The following TLR6 variants were observed in gnomAD, a reference collection of about 807,000 sequenced individuals.
TLR6 encodes toll like receptor 6.
Under a neutral mutation model 16.1 loss-of-function variants are expected in TLR6, and 9 were observed. That is an observed-to-expected ratio of 0.56 (90% CI 0.34 to 0.98). The LOEUF is 0.98. Ranked by LOEUF, TLR6 falls within the 50% of genes least tolerant of loss-of-function variation. The pLI, the probability that TLR6 is intolerant of heterozygous loss-of-function variation, is 0.02. For synonymous variants in TLR6, 340 were observed against 338.6 expected (o/e 1.00, Z -0.04); for missense variants, 786 against 921.0 (o/e 0.85, Z 1.90).
upstream of TLR6, among the ~76,000 whole-genome samples, chr4:38,858,832 GAAGAAAGAAAGAAAGA>G (rs71190999): frequency 4.4e-3 from 223 of 50,884 alleles, 1 homozygote; most frequent in Middle Eastern, 0.011. Flanking sequence ...AGAGAGAGAG[GAAGAAAGAAAGAAAGA>G]AAGAAAGAAA....
exon 2 of TLR6, chr4:38,828,468 A>G: frequency 6.2e-7 from 1 of 1,614,186 alleles, no homozygotes; most frequent in African/African-American, 1.3e-5. Flanking sequence ...GAAATGGTTA[A>G]CATCATAATG....
chr4:38,844,456 A>T (rs535110670), intron 1 of TLR6, among the ~76,000 whole-genome samples: 2 of 152,336 alleles, frequency 1.3e-5, no homozygotes, highest in African/African-American at 4.8e-5. Flanking sequence ...TACAAAACAC[A>T]TGGAGACATT....
At chr4:38,845,286 AG>A (rs1234951780) in intron 1 of TLR6, among the ~76,000 whole-genome samples, 2 of 152,346 alleles carry the variant, frequency 1.3e-5, no homozygotes, top group East Asian at 3.9e-4. Context: ...AAATCCAGAA[AG>A]GGACTCACCT....
At chr4:38,859,416 T>C (rs997155096), upstream of TLR6, among the ~76,000 whole-genome samples, 1 of 152,206 alleles carries the variant, frequency 6.6e-6, no homozygotes, top group Non-Finnish European at 1.5e-5. Flanking sequence ...CCACACAGTC[T>C]GTGGTGATTT....
the TLR6 span, chr4:38,867,639 C>T: frequency 2.6e-5 from 4 of 151,878 alleles, no homozygotes; most frequent in African/African-American, 4.8e-5. Flanking sequence ...TTCCAGGAGA[C>T]TCGCCCAGCG....
chr4:38,858,831 G>GAAA (rs1713114280), upstream of TLR6, among the ~76,000 whole-genome samples: 9 of 52,012 alleles, frequency 1.7e-4, no homozygotes, highest in South Asian at 1.0e-3. Context: ...GAGAGAGAGA[G>GAAA]GAAGAAAGAA....
At chr4:38,858,323 G>A (rs1374343215), upstream of TLR6, among the ~76,000 whole-genome samples, 1 of 152,190 alleles carries the variant, frequency 6.6e-6, no homozygotes, top group African/African-American at 2.4e-5. Context: ...AATAGTGACT[G>A]ACACAGAAGA....
intron 1 of TLR6, among the ~76,000 whole-genome samples, chr4:38,847,301 G>C (rs962619680): frequency 6.6e-6 from 1 of 152,132 alleles, no homozygotes; most frequent in African/African-American, 2.4e-5. Flanking sequence ...ACATTAGGGG[G>C]GGTGGTTCCA....
At chr4:38,847,940 T>C (rs1712601512) in intron 1 of TLR6, among the ~76,000 whole-genome samples, 1 of 152,168 alleles carries the variant, frequency 6.6e-6, no homozygotes, top group South Asian at 2.1e-4. Context: ...GAGTAGTGGT[T>C]CTCCCAGCAC....
chr4:38,866,691 G>A, the TLR6 span, among the ~76,000 whole-genome samples: 3,218 of 151,668 alleles, frequency 0.021, 44 homozygotes, highest in Middle Eastern at 0.11. Flanking sequence ...AATAAATAGG[G>A]GGAAATTTAC....
rs534716397 is a variant in TLR6, at chr4:38,849,844, C to A, written c.-65+6917G>T. Among the ~76,000 whole-genome samples the A allele has an allele frequency of 3.0e-4, 46 of 152,262 alleles. No individual in the cohort carries two copies. The East Asian group carries it at 7.5e-3, about 25-fold the overall frequency. On this transcript the variant is annotated intron_variant, in intron 1 of 1. Transcript: ENST00000436693. ...ACAGATCAACGAGACAGAAAGTTAACAAGGATATCCAGGAATTGAACTCAG... is the reference window on the plus strand; with the variant it reads ...ACAGATCAACGAGACAGAAAGTTAAAAAGGATATCCAGGAATTGAACTCAG...
rs555122418 is a variant in TLR6 at position 38,838,954 on chromosome 4, A to G, written c.-64-9417T>C. Among the ~76,000 whole-genome samples, 670 of 128,168 alleles carry G rather than the reference A, an allele frequency of 5.2e-3. 11 individuals are homozygous for G. The highest frequency in any genetic ancestry group is 0.022 in the African/African-American group (619 of 27,732). 84.1% of individuals were successfully genotyped at this position (128,168 alleles called of 152,430 possible). On this transcript the variant is annotated intron_variant, in intron 1 of 1. Transcript: ENST00000436693. ...GAAGGAAGGAAGGAAGGGAGGAAGG[A>G]AGGAAGGAAGGGGAGGAAGGAAAGA... is the stretch of plus-strand genomic sequence containing the variant.
At chr4:38,845,358 C>G (rs7687447) in intron 1 of TLR6, among the ~76,000 whole-genome samples, 57,384 of 152,122 alleles carry the variant, frequency 0.38, 13,897 homozygotes, top group East Asian at 0.65. Flanking sequence ...GGTGAATATG[C>G]TATGTTACAT....
intron 1 of TLR6, among the ~76,000 whole-genome samples, chr4:38,843,144 A>C (rs1478281143): frequency 6.6e-6 from 1 of 152,224 alleles, no homozygotes; most frequent in Non-Finnish European, 1.5e-5. Flanking sequence ...CATGACAATG[A>C]TGCTGAGCAA....
chr4:38,845,629 C>G (rs1712492788), intron 1 of TLR6, among the ~76,000 whole-genome samples: 1 of 152,224 alleles, frequency 6.6e-6, no homozygotes, highest in Non-Finnish European at 1.5e-5. Context: ...AGGCAAGTAC[C>G]TGGATTCCCT....
exon 2 of TLR6, chr4:38,828,489 A>G: frequency 6.2e-7 from 1 of 1,614,198 alleles, no homozygotes; most frequent in Non-Finnish European, 8.5e-7. Flanking sequence ...TTCATCTCAG[A>G]AAACACGGTG....
At chr4:38,863,471 G>A in the TLR6 span, among the ~76,000 whole-genome samples, 1 of 152,090 alleles carries the variant, frequency 6.6e-6, no homozygotes, top group African/African-American at 2.4e-5. Flanking sequence ...CTAAATGCTT[G>A]CTAAACCATT....
At chr4:38,853,370 A>G (rs549814187) in intron 1 of TLR6, among the ~76,000 whole-genome samples, 11 of 144,166 alleles carry the variant, frequency 7.6e-5, no homozygotes, top group African/African-American at 2.2e-4. Context: ...CCTAGAACTT[A>G]AAGTATAATA....
Position 38,829,123 on chromosome 4 carries a change from GC to G in TLR6, c.350del (p.Cys117SerfsTer5), listed in dbSNP as rs780240256. ...AATGCCTGAAACTCACAATAGGATG[GC>G]AGGATATCTTTTGCAACTGATTATG... On this transcript the variant is annotated frameshift_variant, in exon 2 of 2. Transcript: ENST00000436693. LOFTEE classifies it low-confidence loss of function (END_TRUNC). 3 of 1,614,072 alleles carry G rather than the reference GC, an allele frequency of 1.9e-6. 1 individual carries two copies. In the South Asian group the frequency reaches 3.3e-5, roughly 18 times the overall value.
Sources: allele counts gnomAD v4.1 joint callset (sites outside exome capture counted in the v4.1 genomes callset), GRCh38; gene constraint gnomAD v4.1.1; transcripts MANE v1.5; gene names NCBI Gene and HGNC (gene_info 2026-07-23, HGNC 2026-07-21).